PCSK6: variants seen among roughly 807,000 people sequenced by gnomAD.
PCSK6 encodes proprotein convertase subtilisin/kexin type 6, also known as paired basic amino acid cleaving enzyme 4.
PCSK6 carries 85 observed loss-of-function variants against 123.3 expected under a neutral mutation model. That is an observed-to-expected ratio of 0.69 (90% confidence interval 0.58 to 0.83). The LOEUF (loss-of-function observed/expected upper bound fraction) is 0.83. Ranked by LOEUF, PCSK6 falls within the 40% of genes least tolerant of loss-of-function variation. The pLI is 0.00. For synonymous variants in PCSK6, 508 were observed against 516.0 expected (o/e 0.98, Z 0.21); for missense variants, 1,191 against 1,282.3 (o/e 0.93, Z 1.09).
intron 1 of PCSK6, among the ~76,000 whole-genome samples, chr15:101,473,983 G>C (rs2141243903): frequency 6.6e-6 from 1 of 152,336 alleles, no homozygotes; most frequent in South Asian, 2.1e-4. Context: ...CTAAGCCTCT[G>C]AAACAAATCT....
chr15:101,391,000 C>T (rs2042218784), intron 8 of PCSK6, among the ~76,000 whole-genome samples: 1 of 149,414 alleles, frequency 6.7e-6, no homozygotes, highest in African/African-American at 2.4e-5. Flanking sequence ...CTCTTCCGAA[C>T]TCAGCACCTT....
chr15:101,351,348 A>C lies in PCSK6; in HGVS notation c.1858+14848T>G, dbSNP rs538126968. 5.9e-5 allele frequency among the ~76,000 whole-genome samples: 9 copies of C among 152,352 alleles called. No homozygotes were observed. The East Asian group carries it at 1.5e-3, about 26-fold the overall frequency. On this transcript the variant is annotated intron_variant, in intron 13 of 21. Transcript: ENST00000611716. ...GTGAACAGCTTACAAAACTGAAGAGATATTCTTTCAGTATTTGAAAATTAT... is the reference window on the plus strand; with the variant it reads ...GTGAACAGCTTACAAAACTGAAGAGCTATTCTTTCAGTATTTGAAAATTAT...
intron 7 of PCSK6, among the ~76,000 whole-genome samples, chr15:101,394,086 C>A (rs1166727463): frequency 6.6e-6 from 1 of 151,608 alleles, no homozygotes. Flanking sequence ...ATTTATATCA[C>A]TAGCCAAGGC....
At chr15:101,426,940 G>A (rs1869525310) in intron 6 of PCSK6, among the ~76,000 whole-genome samples, 1 of 152,236 alleles carries the variant, frequency 6.6e-6, no homozygotes, top group South Asian at 2.1e-4. Context: ...CCTTCGGACT[G>A]AGAAGCAGAC....
intron 6 of PCSK6, among the ~76,000 whole-genome samples, chr15:101,405,719 G>A (rs368415862): frequency 6.7e-6 from 1 of 150,068 alleles, no homozygotes; most frequent in Non-Finnish European, 1.5e-5. Flanking sequence ...TTTCCGTAGT[G>A]ACCTGTCTTT....
chr15:101,332,001 T>C lies in PCSK6; in HGVS notation c.1889A>G (p.Tyr630Cys), dbSNP rs1450352170. 2.5e-6 allele frequency: 4 copies of C among 1,611,806 alleles called. No homozygotes were observed. Among genetic ancestry groups the C allele is most frequent in the African/African-American group, 1.3e-5 (1 of 74,836 alleles). Reference sequence around the variant, plus strand: ...GTGGTACGGGTGCTCTGCTGTGCCATACAGTATGAGGCTCCATTCTTTCAA... The same window carrying C: ...GTGGTACGGGTGCTCTGCTGTGCCACACAGTATGAGGCTCCATTCTTTCAA... ...GKLKEWSLILYGTAEHPYHTF... is the reference protein window; with the variant it reads ...GKLKEWSLILCGTAEHPYHTF... The change falls in exon 14 of 22, where the codon TAT (tyrosine) becomes TGT (cysteine). Residue 630 changes from tyrosine (Y) to cysteine (C), a missense_variant. This residue lies in a region of PCSK6 where 630 missense variants were observed against 631.4 expected (regional missense o/e 1.00). Transcript: ENST00000611716.
In PCSK6 at chr15:101,366,315, T is replaced by A. The variant is rs147253208; in HGVS notation, c.1739A>T (p.Asn580Ile). The change falls in exon 13 of 22, where the codon AAT becomes ATT. Residue 580 changes from asparagine to isoleucine, a missense_variant. Physicochemically the swap from Asn to Ile is moderately radical, Grantham distance 149. Around this residue, in one of 3 missense-constraint regions of PCSK6, gnomAD observed 630 missense variants for 631.4 expected, o/e 1.00. Coordinates refer to ENST00000611716, the MANE Select transcript of PCSK6 (RefSeq NM_002570.5). ...LLAKRLLDLS[N>I]EGFTNWEFMT... ...GAATTCCCAGTTTGTAAACCCTTCA[T>A]TGGAAAGATCCAGCAACCTGCAATT... The A allele has an allele frequency of 6.2e-7, 1 of 1,612,588 alleles. No individual in the cohort carries two copies. The highest frequency in any genetic ancestry group is 8.5e-7 in the Non-Finnish European group (1 of 1,179,386).
intron 7 of PCSK6, among the ~76,000 whole-genome samples, chr15:101,396,581 C>T (rs192614540): frequency 8.2e-4 from 124 of 152,002 alleles, no homozygotes; most frequent in African/African-American, 2.9e-3. Context: ...GAGATCCAAG[C>T]GATCTAGTGG....
intron 6 of PCSK6, among the ~76,000 whole-genome samples, chr15:101,408,029 G>T (rs931471549): frequency 1.3e-5 from 2 of 152,218 alleles, no homozygotes; most frequent in Admixed American, 1.3e-4. Context: ...GGGAATGAGG[G>T]CTGGAGAACA....
intron 1 of PCSK6, among the ~76,000 whole-genome samples, chr15:101,462,871 A>G (rs2141210340): frequency 1.3e-5 from 2 of 152,200 alleles, no homozygotes; most frequent in African/African-American, 4.8e-5. Context: ...GGTTTCCTCT[A>G]CCGTGCTTTC....
intron 6 of PCSK6, among the ~76,000 whole-genome samples, chr15:101,414,270 T>C (rs892804676): frequency 6.6e-6 from 1 of 152,182 alleles, no homozygotes; most frequent in South Asian, 2.1e-4. Context: ...TAACCATTCA[T>C]ACCTATAGCA....
Position 101,409,397 on chromosome 15 carries a change from A to C in PCSK6, c.824-10821T>G, listed in dbSNP as rs908543925. Among the ~76,000 whole-genome samples the C allele has an allele frequency of 6.6e-4, 100 of 152,212 alleles. 1 individual carries two copies. The highest frequency in any genetic ancestry group is 2.3e-3 in the African/African-American group (96 of 41,508). Reference sequence around the variant, plus strand: ...TCAGGAGATCGAGACCATCCTGGCTAACACAGTGAAACCCCGTCTCTACTA... The same window carrying C: ...TCAGGAGATCGAGACCATCCTGGCTCACACAGTGAAACCCCGTCTCTACTA... On this transcript the variant is annotated intron_variant, in intron 6 of 21. Transcript: ENST00000611716.
chr15:101,481,198 C>T (rs1211880959), intron 1 of PCSK6, among the ~76,000 whole-genome samples: 1 of 152,196 alleles, frequency 6.6e-6, no homozygotes, highest in Non-Finnish European at 1.5e-5. Flanking sequence ...CAGGCAACGT[C>T]CAGGTGGCAG....
At chr15:101,347,852 G>T in intron 13 of PCSK6, 1 of 1,217,618 alleles carries the variant, frequency 8.2e-7, no homozygotes, top group Non-Finnish European at 1.2e-6. Flanking sequence ...GGCAACAGGA[G>T]TGGAGGGCAG....
At chr15:101,342,863 C>G (rs2040648594) in intron 13 of PCSK6, among the ~76,000 whole-genome samples, 1 of 151,572 alleles carries the variant, frequency 6.6e-6, no homozygotes, top group East Asian at 1.9e-4. Flanking sequence ...GATTGCACCA[C>G]TGCACTCCAG....
Position 101,332,040 on chromosome 15 carries a change from C to G in PCSK6, c.1859-9G>C. The G allele has an allele frequency of 6.3e-7, 1 of 1,582,576 alleles. No homozygotes were observed. The highest frequency in any genetic ancestry group is 1.1e-5 in the South Asian group (1 of 87,918). ...CCATTCTTTCAACTTCCCTGGAAGG[C>G]ACCAAACCCACAGAGTTACCTGCCT... On this transcript the variant is annotated splice_polypyrimidine_tract_variant and intron_variant, in intron 13 of 21. Transcript: ENST00000611716.
intron 13 of PCSK6, among the ~76,000 whole-genome samples, chr15:101,361,738 A>G (rs753031442): frequency 2.0e-5 from 3 of 152,080 alleles, no homozygotes; most frequent in Non-Finnish European, 4.4e-5. Flanking sequence ...TCTGAATTAT[A>G]TTTTAAAAGG....
intron 2 of PCSK6, among the ~76,000 whole-genome samples, chr15:101,433,208 C>T (rs2056500227): frequency 6.6e-6 from 1 of 152,224 alleles, no homozygotes; most frequent in Admixed American, 6.5e-5. Flanking sequence ...TCCACCCACA[C>T]AGTGGGGACA....
At chr15:101,371,869 C>T (rs533414848) in intron 11 of PCSK6, among the ~76,000 whole-genome samples, 1 of 152,162 alleles carries the variant, frequency 6.6e-6, no homozygotes, top group Admixed American at 6.5e-5. Flanking sequence ...AGCAGGGTCC[C>T]CTCACTTTCC....
Sources: gnomAD v4.1 joint callset for allele counts (sites outside exome capture counted in the v4.1 genomes callset) on GRCh38, gnomAD v4.1.1 for gene constraint, gnomAD v4.1.1 regional missense constraint, MANE v1.5 for transcripts, NCBI Gene and HGNC (gene_info 2026-07-23, HGNC 2026-07-21) for gene names.